Variants in PLD5 observed in about 807,000 individuals in gnomAD.
PLD5 encodes the protein phospholipase D family member 5.
In PLD5, 36 loss-of-function variants were observed where a neutral mutation model predicts 61.1. The observed-to-expected ratio is 0.59, with a 90% confidence interval of 0.45 to 0.78. PLD5 has a LOEUF of 0.78. PLD5 is among the 30% of genes least tolerant of loss of function. The pLI is 0.00. For missense variants in PLD5, 515 were observed against 644.4 expected, an observed-to-expected ratio of 0.80 and a Z score of 2.17; for synonymous variants, 243 against 242.8, an observed-to-expected ratio of 1.00 and a Z score of -0.01.
chr1:242,209,930 G>A (rs1430579616), intron 5 of PLD5, among the ~76,000 whole-genome samples: 2 of 152,122 alleles, frequency 1.3e-5, no homozygotes, highest in African/African-American at 4.8e-5. Context: ...GAGTAGCTGG[G>A]ATTACAGGCA....
At chr1:242,450,973 C>T (rs1350138862) in intron 1 of PLD5, among the ~76,000 whole-genome samples, 2 of 152,144 alleles carry the variant, frequency 1.3e-5, no homozygotes, top group African/African-American at 4.8e-5. Flanking sequence ...AATAAGCCAA[C>T]ATTGCCTAAC....
chr1:242,448,564 T>C (rs1283949876), intron 1 of PLD5, among the ~76,000 whole-genome samples: 3 of 152,198 alleles, frequency 2.0e-5, no homozygotes, highest in Non-Finnish European at 4.4e-5. Context: ...AAGCCAGTTC[T>C]TCCCCCCATC....
At chr1:242,494,451 T>C (rs1247812989) in intron 1 of PLD5, among the ~76,000 whole-genome samples, 1 of 152,254 alleles carries the variant, frequency 6.6e-6, no homozygotes, top group Admixed American at 6.5e-5. Flanking sequence ...CCATCACTTC[T>C]GCCATCCCAT....
chr1:242,505,385 T>C (rs1668688129), intron 1 of PLD5, among the ~76,000 whole-genome samples: 2 of 152,182 alleles, frequency 1.3e-5, no homozygotes, highest in African/African-American at 4.8e-5. Context: ...TATTAAATAT[T>C]GACAAATTGT....
chr1:242,375,713 A>C (rs1204934398), intron 1 of PLD5, among the ~76,000 whole-genome samples: 1 of 152,246 alleles, frequency 6.6e-6, no homozygotes, highest in Non-Finnish European at 1.5e-5. Context: ...AGAGAACTAT[A>C]AACGGAAGGG....
At chr1:242,345,048 C>T (rs1472868690) in intron 2 of PLD5, among the ~76,000 whole-genome samples, 2 of 152,290 alleles carry the variant, frequency 1.3e-5, no homozygotes, top group East Asian at 1.9e-4. Flanking sequence ...AAGATGGCCC[C>T]CATGATTCAA....
intron 5 of PLD5, among the ~76,000 whole-genome samples, chr1:242,197,408 C>G (rs1558331776): frequency 6.6e-6 from 1 of 152,194 alleles, no homozygotes; most frequent in African/African-American, 2.4e-5. Flanking sequence ...CCCACAATGT[C>G]TCTGTCTTCT....
intron 2 of PLD5, among the ~76,000 whole-genome samples, chr1:242,290,914 ACT>A (rs149216192): frequency 0.057 from 8,621 of 151,752 alleles, 286 homozygotes; most frequent in Middle Eastern, 0.11. Flanking sequence ...GAATCTGGAC[ACT>A]CTGCCTGCTG....
intron 1 of PLD5, among the ~76,000 whole-genome samples, chr1:242,351,887 A>G (rs910275389): frequency 1.4e-4 from 21 of 152,194 alleles, no homozygotes; most frequent in African/African-American, 5.1e-4. Flanking sequence ...TAGATTGTGT[A>G]TTCGTCTTGC....
At chr1:242,486,014 G>A (rs1410445604) in intron 1 of PLD5, among the ~76,000 whole-genome samples, 1 of 151,890 alleles carries the variant, frequency 6.6e-6, no homozygotes, top group Non-Finnish European at 1.5e-5. Flanking sequence ...CTAGCCATAT[G>A]TAGAAAGCTG....
chr1:242,372,274 T>C (rs951907047), intron 1 of PLD5, among the ~76,000 whole-genome samples: 1 of 152,200 alleles, frequency 6.6e-6, no homozygotes, highest in Non-Finnish European at 1.5e-5. Context: ...ACCAGCAGGA[T>C]GATCTCTAAA....
At chr1:242,377,415 A>G (rs1266074875) in intron 1 of PLD5, 4 of 1,030,058 alleles carry the variant, frequency 3.9e-6, no homozygotes, top group Non-Finnish European at 5.9e-6. Context: ...GGGACTGGGG[A>G]CCTTGGTGTC....
chr1:242,406,369 T>C (rs1664234566), intron 1 of PLD5, among the ~76,000 whole-genome samples: 2 of 152,240 alleles, frequency 1.3e-5, no homozygotes, highest in Admixed American at 6.5e-5. Flanking sequence ...CTAACAGCAG[T>C]AAGGCATTTA....
chr1:242,336,806 A>C (rs574871176), intron 2 of PLD5, among the ~76,000 whole-genome samples: 48 of 152,284 alleles, frequency 3.2e-4, no homozygotes, highest in African/African-American at 1.1e-3. Flanking sequence ...GGAAATATGG[A>C]TGTAATAAAA....
At chr1:242,358,085 G>A (rs1209287011) in intron 1 of PLD5, among the ~76,000 whole-genome samples, 1 of 151,744 alleles carries the variant, frequency 6.6e-6, no homozygotes, top group African/African-American at 2.4e-5. Flanking sequence ...TTCTATTTGG[G>A]TATTTTTTAA....
At chr1:242,094,834 C>T (rs1428242111) in intron 9 of PLD5, among the ~76,000 whole-genome samples, 1 of 152,052 alleles carries the variant, frequency 6.6e-6, no homozygotes, top group African/African-American at 2.4e-5. Context: ...AAAATAGAGG[C>T]TTACAGAGAT....
At chr1:242,289,718 C>T (rs1381139205) in intron 2 of PLD5, among the ~76,000 whole-genome samples, 1 of 152,196 alleles carries the variant, frequency 6.6e-6, no homozygotes, top group Non-Finnish European at 1.5e-5. Context: ...GCTTCCAGAA[C>T]ACCGATTTGC....
At chr1:242,382,128 C>CAAAAAAAAAAAAAAAAAA (rs34582650) in intron 1 of PLD5, among the ~76,000 whole-genome samples, 38 of 125,558 alleles carry the variant, frequency 3.0e-4, no homozygotes, top group Admixed American at 1.4e-3. Context: ...ACTTTGACAG[C>CAAAAAAAAAAAAAAAAAA]AAAAAAAAAA....
At chr1:242,296,335 A>G (rs1179368314) in intron 2 of PLD5, among the ~76,000 whole-genome samples, 1 of 152,208 alleles carries the variant, frequency 6.6e-6, no homozygotes. Flanking sequence ...TTTCCTGTTT[A>G]TGCTGCTGAT....
Sources: allele counts gnomAD v4.1 joint callset (sites outside exome capture counted in the v4.1 genomes callset), GRCh38; gene constraint gnomAD v4.1.1; transcripts MANE v1.5; gene names NCBI Gene and HGNC (gene_info 2026-07-23, HGNC 2026-07-21).